PLEKHG3: variants seen among roughly 807,000 people sequenced by gnomAD.
PLEKHG3 encodes pleckstrin homology domain-containing family G member 3.
A neutral mutation model predicts 94.9 loss-of-function variants in PLEKHG3; 62 were observed. The observed-to-expected ratio is 0.65, with a 90% CI of 0.53 to 0.81. The LOEUF is 0.81. Among genes scored for constraint, PLEKHG3 ranks in the 30% least tolerant of loss-of-function variants. PLEKHG3 has a pLI of 0.00. For missense variants in PLEKHG3, 1,461 were observed against 1,619.3 expected, an observed-to-expected ratio of 0.90 and a Z score of 1.68; for synonymous variants, 614 against 654.0, an observed-to-expected ratio of 0.94 and a Z score of 0.93.
chr14:64,724,615 A>G (rs1303479622), intron 1 of PLEKHG3, among the ~76,000 whole-genome samples: 1 of 152,164 alleles, frequency 6.6e-6, no homozygotes, highest in African/African-American at 2.4e-5. Context: ...GCAGGCCCAA[A>G]AACTGCCCTA....
rs2081823621 is a variant in PLEKHG3 at position 64,745,737 on chromosome 14, G to A, written c.*2034G>A. The A allele has an allele frequency of 6.6e-6, 1 of 152,272 alleles. No homozygotes were observed. Among genetic ancestry groups the A allele is most frequent in the Admixed American group, 6.5e-5 (1 of 15,292 alleles). The allele number at this position is 152,272 out of a possible 1,614,324, so 9.4% of individuals were successfully genotyped here. A position where few individuals can be genotyped will look rare whatever the true frequency, so the allele number is the denominator to read the frequency against. Reference sequence around the variant, plus strand: ...TGTCACTAGCCTCTGATCTTCCCTTGAAGAACCCGACTGGGGCTCTTCAGA... The same window carrying A: ...TGTCACTAGCCTCTGATCTTCCCTTAAAGAACCCGACTGGGGCTCTTCAGA... On this transcript the variant is annotated 3_prime_UTR_variant, in exon 17 of 17. Coordinates refer to ENST00000247226, the MANE Select transcript of PLEKHG3 (RefSeq NM_001308147.2). The surrounding 1 kb of genome is among the most constrained non-coding windows in gnomAD (Gnocchi z 5.0).
Position 64,747,975 on chromosome 14 carries a change from T to C in PLEKHG3, c.*4272T>C, listed in dbSNP as rs937373179. ...AAGGGGAAGGCCATTCCTGGGGACGTTGGTTGCAGAGCTTCTGGTGCTCAG... is the reference window on the plus strand; with the variant it reads ...AAGGGGAAGGCCATTCCTGGGGACGCTGGTTGCAGAGCTTCTGGTGCTCAG... On this transcript the variant is annotated 3_prime_UTR_variant, in exon 17 of 17. Coordinates refer to ENST00000247226, the MANE Select transcript of PLEKHG3 (RefSeq NM_001308147.2). 6.6e-6 allele frequency: 1 copy of C among 151,952 alleles called. No homozygotes were observed. The highest frequency in any genetic ancestry group is 1.5e-5 in the Non-Finnish European group (1 of 67,998). 9.4% of individuals were successfully genotyped at this position (151,952 alleles called of 1,614,324 possible).
intron 1 of PLEKHG3, among the ~76,000 whole-genome samples, chr14:64,714,820 T>C (rs575958169): frequency 2.6e-5 from 4 of 152,258 alleles, no homozygotes; most frequent in African/African-American, 9.6e-5. Context: ...ATACCATCCA[T>C]GCTGTGTGCT....
At chr14:64,711,969 T>C (rs1250304465) in intron 1 of PLEKHG3, among the ~76,000 whole-genome samples, 1 of 152,258 alleles carries the variant, frequency 6.6e-6, no homozygotes, top group African/African-American at 2.4e-5. Flanking sequence ...TTGATAGTTT[T>C]AGCTCTTACA....
Position 64,731,783 on chromosome 14 carries a change from A to G in PLEKHG3, c.1102A>G (p.Ser368Gly), listed in dbSNP as rs775637137. ...CTTCACTGTCACCCACTACAAGCAC[A>G]GCAAGCAGCAGTACAGCATCCAGGT... ...LCFTVTHYKH[S>G]KQQYSIQAKT... The change falls in exon 9 of 17, where the codon AGC becomes GGC. Residue 368 changes from serine (S) to glycine (G), a missense_variant. By Grantham distance (56) the Ser-to-Gly change is moderately conservative (BLOSUM62 0). Around this residue, in one of 3 missense-constraint regions of PLEKHG3, gnomAD observed 1,201 missense variants for 1,295.5 expected, o/e 0.93. Coordinates refer to ENST00000247226, the MANE Select transcript of PLEKHG3 (RefSeq NM_001308147.2). This position sits in a 1 kb window ranked among gnomAD's most constrained non-coding sequence, Gnocchi z 6.1. 3.1e-6 allele frequency: 5 copies of G among 1,613,334 alleles called. No homozygotes were observed. The Admixed American group carries it at 6.7e-5, about 22-fold the overall frequency.
chr14:64,724,306 A>G (rs905151495), intron 1 of PLEKHG3, among the ~76,000 whole-genome samples: 12 of 152,026 alleles, frequency 7.9e-5, no homozygotes, highest in Admixed American at 6.5e-5. Context: ...GACAGTCTGC[A>G]CTAGTGTCCT....
chr14:64,734,531 A>T (rs1490054310), intron 12 of PLEKHG3, among the ~76,000 whole-genome samples: 1 of 152,212 alleles, frequency 6.6e-6, no homozygotes, highest in Non-Finnish European at 1.5e-5. Flanking sequence ...TATTTCAATA[A>T]AGCTGTTACA....
In PLEKHG3 at chr14:64,736,840, C is replaced by T. The variant is rs1566711895; in HGVS notation, c.1346-13C>T. 1 of 1,609,376 alleles carries T rather than the reference C, an allele frequency of 6.2e-7. No individual in the cohort carries two copies. The highest frequency in any genetic ancestry group is 8.5e-7 in the Non-Finnish European group (1 of 1,175,774). On this transcript the variant is annotated splice_polypyrimidine_tract_variant and intron_variant, in intron 12 of 16. Transcript: ENST00000247226. ...CTGGCCCGCGCTGACTCTGCTCATG[C>T]TTTCCTCCTCAGAGCCAACCAAACA...
At chr14:64,742,555 C>A in intron 16 of PLEKHG3, 100 bp downstream of exon 16, 1 of 886,206 alleles carries the variant, frequency 1.1e-6, no homozygotes, top group Non-Finnish European at 1.7e-6. Flanking sequence ...TCTAAGGAGG[C>A]TCTACCAAAG....
chr14:64,710,636 A>C (rs774320412), intron 1 of PLEKHG3, among the ~76,000 whole-genome samples: 5 of 152,142 alleles, frequency 3.3e-5, no homozygotes, highest in Non-Finnish European at 5.9e-5. Context: ...GCGCCATTGC[A>C]CTCCAGCCTG....
rs759287714 is a variant in PLEKHG3 at position 64,742,371 on chromosome 14, G to A, written c.2854G>A (p.Glu952Lys). 6 of 1,612,886 alleles carry A rather than the reference G, an allele frequency of 3.7e-6. No individual in the cohort carries two copies. Among genetic ancestry groups the A allele is most frequent in the Non-Finnish European group, 5.1e-6 (6 of 1,180,022 alleles). Residue 952 changes from glutamate (E) to lysine (K), a missense_variant, in exon 16 of 17, where the codon GAA becomes AAA. Around this residue, in one of 3 missense-constraint regions of PLEKHG3, gnomAD observed 1,201 missense variants for 1,295.5 expected, o/e 0.93. Transcript: ENST00000247226. ...GATGGCCAGGCCACCACTGCAGTGG[G>A]AAAAGGTGGCCCCTGAGAGGGATGG... ...PVMARPPLQW[E>K]KVAPERDGKS... is the part of the protein sequence containing the mutation.
rs2081898156 is a variant in PLEKHG3 at position 64,749,099 on chromosome 14, A to T, written c.*5396A>T. 1 of 524,080 alleles carries T rather than the reference A, an allele frequency of 1.9e-6. No individual in the cohort carries two copies. The highest frequency in any genetic ancestry group is 4.0e-5 in the East Asian group (1 of 24,868). 32.5% of individuals were successfully genotyped at this position (524,080 alleles called of 1,614,324 possible). ...CTGGGAGCCCCTGTCCCTGGAGCGG[A>T]GCCAGCGCGGGCGAGGGCATGGAGG... is the stretch of plus-strand genomic sequence containing the variant. On this transcript the variant is annotated 3_prime_UTR_variant, in exon 17 of 17. Transcript: ENST00000247226. This position sits in a 1 kb window ranked among gnomAD's most constrained non-coding sequence, Gnocchi z 4.7.
At chr14:64,736,752 C>A in intron 12 of PLEKHG3, 101 bp from the exon 13 acceptor site, 1 of 886,478 alleles carries the variant, frequency 1.1e-6, no homozygotes, top group Non-Finnish European at 1.9e-6. Flanking sequence ...CCAGAGTGGA[C>A]TTTGAGCTGG....
At position 64,749,868 on chromosome 14, in the gene PLEKHG3, C is replaced by T. The variant is rs2081917185; in HGVS notation, c.*6165C>T. ...CCATCAGCCTCTTTGATTTGAAAAACCCCTGAGGAGCAGCTCAGGCCTGGC... is the reference window on the plus strand; with the variant it reads ...CCATCAGCCTCTTTGATTTGAAAAATCCCTGAGGAGCAGCTCAGGCCTGGC... On this transcript the variant is annotated 3_prime_UTR_variant, in exon 17 of 17. Transcript: ENST00000247226. This position sits in a 1 kb window ranked among gnomAD's most constrained non-coding sequence, Gnocchi z 4.7. 32 of 1,523,862 alleles carry T rather than the reference C, an allele frequency of 2.1e-5. No individual in the cohort carries two copies. Among genetic ancestry groups the T allele is most frequent in the Non-Finnish European group, 2.8e-5 (31 of 1,102,042 alleles). 94.4% of individuals were successfully genotyped at this position (1,523,862 alleles called of 1,614,324 possible). A position where few individuals can be genotyped will look rare whatever the true frequency, so the allele number is the denominator to read the frequency against.
chr14:64,707,824 T>C (rs2080996563), intron 1 of PLEKHG3, among the ~76,000 whole-genome samples: 2 of 152,252 alleles, frequency 1.3e-5, no homozygotes, highest in Non-Finnish European at 2.9e-5. Flanking sequence ...TCACTAGCCC[T>C]GTGGACTTTG....
chr14:64,738,077 G>T lies in PLEKHG3; in HGVS notation c.1405-665G>T. 2 of 1,301,672 alleles carry T rather than the reference G, an allele frequency of 1.5e-6. No individual in the cohort carries two copies. Among genetic ancestry groups the T allele is most frequent in the South Asian group, 1.2e-5 (1 of 82,082 alleles). The allele number at this position is 1,301,672 out of a possible 1,614,324, so 80.6% of individuals were successfully genotyped here. On this transcript the variant is annotated intron_variant, in intron 14 of 16. Transcript: ENST00000247226. The surrounding 1 kb of genome is among the most constrained non-coding windows in gnomAD (Gnocchi z 4.8). ...GCAACGAGAAGGGGGCTGGGCCGGA[G>T]CCCCCAGGCTCAGAGGAGGAGGAGG...
rs1231933505 is a variant in PLEKHG3, at chr14:64,716,855, G to A, written c.-39-10738G>A. Among the ~76,000 whole-genome samples the A allele has an allele frequency of 6.6e-6, 1 of 152,156 alleles. No homozygotes were observed. The highest frequency in any genetic ancestry group is 1.5e-5 in the Non-Finnish European group (1 of 68,036). On this transcript the variant is annotated intron_variant, in intron 1 of 16. Transcript: ENST00000247226. This position sits in a 1 kb window ranked among gnomAD's most constrained non-coding sequence, Gnocchi z 5.0. The stretch of plus-strand genomic sequence containing the variant: ...CGTGTGCACCCCAGAATTGGGATTG[G>A]GTAATACTGCCCCACCGGTCTGAAT...
intron 3 of PLEKHG3, among the ~76,000 whole-genome samples, chr14:64,729,559 G>T (rs1248351650): frequency 1.3e-5 from 2 of 152,236 alleles, no homozygotes; most frequent in Non-Finnish European, 2.9e-5. Flanking sequence ...ACCAGGGGCT[G>T]TGTCAGGGCA....
Position 64,727,495 on chromosome 14 carries a change from C to CT in PLEKHG3, c.-39-96dup. 1.4e-5 allele frequency: 8 copies of CT among 588,430 alleles called. No homozygotes were observed. The highest frequency in any genetic ancestry group is 1.9e-5 in the African/African-American group (1 of 53,610). The allele number at this position is 588,430 out of a possible 1,614,324, so 36.5% of individuals were successfully genotyped here. On this transcript the variant is annotated intron_variant, in intron 1 of 16. Coordinates refer to ENST00000247226, the MANE Select transcript of PLEKHG3 (RefSeq NM_001308147.2). The surrounding 1 kb of genome is among the most constrained non-coding windows in gnomAD (Gnocchi z 6.0). ...GAACTCTGGATGCACTAAATAATAC[C>CT]TTCCCACCCCACCTGCCCCCACCCC...
Sources: allele counts gnomAD v4.1 joint callset (sites outside exome capture counted in the v4.1 genomes callset), GRCh38; gene constraint gnomAD v4.1.1; regional missense constraint gnomAD v4.1.1; non-coding constraint Gnocchi (gnomAD v3.1); transcripts MANE v1.5; gene names NCBI Gene and HGNC (gene_info 2026-07-23, HGNC 2026-07-21).